Variants in ZIC4 observed in about 807,000 individuals in gnomAD.
ZIC4 encodes Zic family zinc finger 4, also known as zinc finger protein ZIC 4.
Under a neutral mutation model 28.8 loss-of-function variants are expected in ZIC4, and 15 were observed. The observed-to-expected ratio is 0.52, with a 90% confidence interval of 0.35 to 0.80. The LOEUF (loss-of-function observed/expected upper bound fraction) is 0.80, where lower values mean the gene tolerates loss of function less well. ZIC4 is among the 30% of genes least tolerant of loss of function. The pLI, the probability that ZIC4 is intolerant of heterozygous loss-of-function variation, is 0.01. For synonymous variants in ZIC4, 220 were observed against 198.1 expected, an observed-to-expected ratio of 1.11 and a Z score of -0.93; for missense variants, 512 against 467.1, an observed-to-expected ratio of 1.10 and a Z score of -0.89.
chr3:147,395,180 G>T (rs1487669897), intron 3 of ZIC4, among the ~76,000 whole-genome samples: 1 of 152,212 alleles, frequency 6.6e-6, no homozygotes, highest in East Asian at 1.9e-4. Context: ...GTTCAATTTT[G>T]CAGGCTCTTG....
chr3:147,394,554 G>A (rs745737755), intron 3 of ZIC4, among the ~76,000 whole-genome samples: 9 of 150,838 alleles, frequency 6.0e-5, no homozygotes, highest in Non-Finnish European at 1.0e-4. Context: ...GGTGTCCGCC[G>A]CCAGCTCCCG....
At chr3:147,406,210 G>T (rs1164048514) in intron 1 of ZIC4, 153 bp downstream of exon 1, 1 of 152,944 alleles carries the variant, frequency 6.5e-6, no homozygotes, top group Non-Finnish European at 1.5e-5. Flanking sequence ...TTGGGGGAGG[G>T]GGGTAGGATG....
At chr3:147,399,011 A>C (rs1365998543) in intron 2 of ZIC4, among the ~76,000 whole-genome samples, 1 of 151,726 alleles carries the variant, frequency 6.6e-6, no homozygotes, top group African/African-American at 2.4e-5. Flanking sequence ...ATTTCTCTCT[A>C]CTTAGACACG....
At position 147,396,028 on chromosome 3, in the gene ZIC4, T is replaced by C. The variant is rs771150392; in HGVS notation, c.512A>G (p.His171Arg). 26 of 1,614,150 alleles carry C rather than the reference T, an allele frequency of 1.6e-5. No homozygotes were observed. Among genetic ancestry groups the C allele is most frequent in the African/African-American group, 4.0e-5 (3 of 74,956 alleles). Residue 171 changes from histidine (H) to arginine (R), a missense_variant, in exon 3 of 5, where the codon CAC becomes CGC. This residue lies in a region of ZIC4 where 310 missense variants were observed against 256.5 expected (regional missense o/e 1.21). Transcript: ENST00000383075. The surrounding 1 kb of genome is among the most constrained non-coding windows in gnomAD (Gnocchi z 4.2). ...CGGACACTCCTCCCAGAAGCAAATGTGGTTGGCCTGTTCCGGGCCGCCGAC... is the reference window on the plus strand; with the variant it reads ...CGGACACTCCTCCCAGAAGCAAATGCGGTTGGCCTGTTCCGGGCCGCCGAC... ...EHVGGPEQANHICFWEECPRQ... is the reference protein window; with the variant it reads ...EHVGGPEQANRICFWEECPRQ...
At chr3:147,402,042 G>A (rs2087173214) in intron 2 of ZIC4, among the ~76,000 whole-genome samples, 1 of 152,166 alleles carries the variant, frequency 6.6e-6, no homozygotes, top group Admixed American at 6.5e-5. Flanking sequence ...CTACCAATGA[G>A]GGAACATCTT....
chr3:147,396,041 C>T lies in ZIC4; in HGVS notation c.499G>A (p.Glu167Lys). 1.2e-6 allele frequency: 2 copies of T among 1,614,270 alleles called. No homozygotes were observed. The highest frequency in any genetic ancestry group is 1.7e-6 in the Non-Finnish European group (2 of 1,180,056). ...CAGAAGCAAATGTGGTTGGCCTGTT[C>T]CGGGCCGCCGACGTGCTCCACGGTG... ...HVTVEHVGGP[E>K]QANHICFWEE... Residue 167 changes from glutamate to lysine, a missense_variant, in exon 3 of 5, where the codon GAA becomes AAA. Physicochemically the swap from Glu to Lys is moderately conservative, Grantham distance 56. Transcript: ENST00000383075. The surrounding 1 kb of genome is among the most constrained non-coding windows in gnomAD (Gnocchi z 4.2).
chr3:147,393,949 G>A (rs777542833), intron 3 of ZIC4: 35 of 456,754 alleles, frequency 7.7e-5, no homozygotes, highest in African/African-American at 6.0e-4. Context: ...TCAGGTCAGG[G>A]AGAATCTCAG....
Position 147,388,438 on chromosome 3 carries a change from A to G in ZIC4, c.*421T>C. 1.5e-5 allele frequency: 3 copies of G among 199,266 alleles called. No homozygotes were observed. The highest frequency in any genetic ancestry group is 3.0e-5 in the Non-Finnish European group (3 of 99,600). 12.3% of individuals were successfully genotyped at this position (199,266 alleles called of 1,614,324 possible). Reference sequence around the variant, plus strand: ...CCCAAACGCGCCCTCTGATCACCGCAGAAAGCAGAAACAAAGGGGGCTGAG... The same window carrying G: ...CCCAAACGCGCCCTCTGATCACCGCGGAAAGCAGAAACAAAGGGGGCTGAG... On this transcript the variant is annotated 3_prime_UTR_variant, in exon 5 of 5. Transcript: ENST00000383075.
Position 147,396,626 on chromosome 3 carries a change from C to T in ZIC4, c.71-157G>A. The T allele has an allele frequency of 2.1e-6, 2 of 944,384 alleles. No individual in the cohort carries two copies. Among genetic ancestry groups the T allele is most frequent in the African/African-American group, 1.7e-5 (1 of 59,606 alleles). 58.5% of individuals were successfully genotyped at this position (944,384 alleles called of 1,614,324 possible). On this transcript the variant is annotated intron_variant, in intron 2 of 4. Coordinates refer to ENST00000383075, the MANE Select transcript of ZIC4 (RefSeq NM_032153.6). This position sits in a 1 kb window ranked among gnomAD's most constrained non-coding sequence, Gnocchi z 4.2. ...CAGCGCCAGCAGTGAACCCGGTGGA[C>T]AGAGCAAGGCCAAACACCTCCGCCG...
At chr3:147,403,499 A>G (rs954735) in intron 1 of ZIC4, 11,728 of 153,980 alleles carry the variant, frequency 0.076, 579 homozygotes, top group East Asian at 0.21. Flanking sequence ...AACACCTCCC[A>G]TAAGATATAC....
chr3:147,401,314 G>C (rs1468532955), intron 2 of ZIC4, among the ~76,000 whole-genome samples: 1 of 152,102 alleles, frequency 6.6e-6, no homozygotes, highest in East Asian at 1.9e-4. Context: ...AAAAAATGGA[G>C]GATATTTCAG....
chr3:147,405,666 G>A (rs1441151220), intron 1 of ZIC4: 6 of 654,316 alleles, frequency 9.2e-6, no homozygotes, highest in Admixed American at 5.3e-5. Flanking sequence ...AGAAAGCCAA[G>A]TCCCGAACCC....
At chr3:147,394,012 C>A (rs899637241) in intron 3 of ZIC4, 8 of 454,650 alleles carry the variant, frequency 1.8e-5, no homozygotes, top group African/African-American at 1.6e-4. Flanking sequence ...GGAAATGAAA[C>A]GCCATTAATA....
At chr3:147,393,134 C>T (rs202060052) in intron 3 of ZIC4, among the ~76,000 whole-genome samples, 1 of 149,334 alleles carries the variant, frequency 6.7e-6, no homozygotes, top group African/African-American at 2.5e-5. Flanking sequence ...TCCCCAACAA[C>T]CCCCACCCCC....
At chr3:147,399,962 G>A (rs894705875) in intron 2 of ZIC4, among the ~76,000 whole-genome samples, 4 of 152,068 alleles carry the variant, frequency 2.6e-5, no homozygotes, top group South Asian at 2.1e-4. Flanking sequence ...CACTGCACCC[G>A]GCCAGATTTC....
At chr3:147,402,687 G>A (rs1411119961) in intron 2 of ZIC4, 41 bp downstream of exon 2, 39 of 1,463,964 alleles carry the variant, frequency 2.7e-5, no homozygotes, top group Middle Eastern at 1.8e-4. Context: ...AAGAAGAAAA[G>A]AAACCAGCAA....
chr3:147,397,453 T>G (rs774622076), intron 2 of ZIC4, among the ~76,000 whole-genome samples: 14 of 148,672 alleles, frequency 9.4e-5, no homozygotes, highest in Non-Finnish European at 2.1e-4. Context: ...CCACTGCTCA[T>G]GCGCTCTGAC....
Position 147,402,765 on chromosome 3 carries a change from T to C in ZIC4, c.33A>G (p.Lys11=). 1 of 1,614,014 alleles carries C rather than the reference T, an allele frequency of 6.2e-7. No homozygotes were observed. MRYKTSLVMR[K]RLRLYRNTLK... is the part of the protein sequence containing the mutation. ...GAGTGTTTCGGTAAAGCCGTAATCG[T>C]TTCCTCATCACCAAGGATGTCTTGT... is the stretch of plus-strand genomic sequence containing the variant. Residue 11 remains lysine (K), a synonymous_variant, in exon 2 of 5, where the codon AAA becomes AAG. Transcript: ENST00000383075.
chr3:147,402,808 T>C lies in ZIC4; in HGVS notation c.-11A>G, dbSNP rs763352235. The C allele has an allele frequency of 6.2e-7, 1 of 1,613,654 alleles. No homozygotes were observed. Among genetic ancestry groups the C allele is most frequent in the East Asian group, 2.2e-5 (1 of 44,852 alleles). On this transcript the variant is annotated 5_prime_UTR_variant, in exon 2 of 5. Coordinates refer to ENST00000383075, the MANE Select transcript of ZIC4 (RefSeq NM_032153.6). ...TGTCTTGTATCTCATTTTCTGACTT[T>C]GAGCCTGTTTGGGAAGAAAAGAGTG... is the stretch of plus-strand genomic sequence containing the variant.
Sources: allele counts gnomAD v4.1 joint callset (sites outside exome capture counted in the v4.1 genomes callset), GRCh38; gene constraint gnomAD v4.1.1; regional missense constraint gnomAD v4.1.1; non-coding constraint Gnocchi (gnomAD v3.1); transcripts MANE v1.5; gene names NCBI Gene and HGNC (gene_info 2026-07-23, HGNC 2026-07-21).